The following STPG4 variants were observed in gnomAD, a reference collection of about 807,000 sequenced individuals.
STPG4 encodes protein STPG4.
A neutral mutation model predicts 31.5 loss-of-function variants in STPG4; 41 were observed. That is an observed-to-expected ratio of 1.30 (90% CI 1.01 to 1.69). STPG4 has a LOEUF of 1.69. Ranked by LOEUF, STPG4 falls within the 40% of genes most tolerant of loss-of-function variation. The pLI is 0.00. For synonymous variants in STPG4, 141 were observed against 103.0 expected, an observed-to-expected ratio of 1.37 and a Z score of -2.24; for missense variants, 375 against 293.4, an observed-to-expected ratio of 1.28 and a Z score of -2.03.
At chr2:47,124,792 G>C (rs1250364191) in intron 5 of STPG4, among the ~76,000 whole-genome samples, 2 of 152,136 alleles carry the variant, frequency 1.3e-5, no homozygotes, top group Non-Finnish European at 2.9e-5. Flanking sequence ...ACCCAGCAGT[G>C]AGATTGCTGG....
chr2:47,153,352 A>AAC (rs1686972578), intron 1 of STPG4, among the ~76,000 whole-genome samples: 2 of 152,230 alleles, frequency 1.3e-5, no homozygotes, highest in African/African-American at 4.8e-5. Flanking sequence ...CTTAGGCTGG[A>AAC]ACTCAGCTCT....
chr2:47,129,846 G>C, intron 5 of STPG4, 95 bp downstream of exon 5: 1 of 1,497,800 alleles, frequency 6.7e-7, no homozygotes, highest in Non-Finnish European at 9.1e-7. Flanking sequence ...ACGATCACTG[G>C]AGGGTTCTAT....
intron 5 of STPG4, among the ~76,000 whole-genome samples, chr2:47,113,449 C>A (rs947052766): frequency 1.3e-5 from 2 of 152,108 alleles, no homozygotes; most frequent in African/African-American, 2.4e-5. Context: ...CCACAAGTAA[C>A]TGGTTAATAA....
intron 5 of STPG4, among the ~76,000 whole-genome samples, chr2:47,101,360 C>T (rs1685795908): frequency 6.6e-6 from 1 of 151,700 alleles, no homozygotes; most frequent in Non-Finnish European, 1.5e-5. Context: ...GCTCCAGGGT[C>T]CCGACAACAA....
At chr2:47,090,134 T>C (rs1685539168) in intron 6 of STPG4, 136 bp downstream of exon 6, 2 of 609,838 alleles carry the variant, frequency 3.3e-6, no homozygotes, top group Admixed American at 3.0e-5. Context: ...CAACTGTATC[T>C]ACCAGAACTG....
At chr2:47,154,900 T>C (rs1014370349) in intron 1 of STPG4, among the ~76,000 whole-genome samples, 1 of 151,742 alleles carries the variant, frequency 6.6e-6, no homozygotes, top group Non-Finnish European at 1.5e-5. Flanking sequence ...GTTTAATTAG[T>C]AGTGGGAAGA....
chr2:47,100,522 G>C (rs539526840), intron 5 of STPG4, among the ~76,000 whole-genome samples: 68 of 149,238 alleles, frequency 4.6e-4, no homozygotes, highest in Middle Eastern at 6.8e-3. Flanking sequence ...ATGTGGGTGG[G>C]GCCAGATAAG....
chr2:47,147,917 T>G (rs888280956), intron 3 of STPG4, among the ~76,000 whole-genome samples: 4 of 151,812 alleles, frequency 2.6e-5, no homozygotes, highest in Non-Finnish European at 5.9e-5. Context: ...AGTATATGCA[T>G]GCACACACAC....
chr2:47,087,248 G>A (rs1685475313), intron 6 of STPG4, 118 bp from the exon 7 acceptor site: 2 of 1,154,068 alleles, frequency 1.7e-6, no homozygotes, highest in Non-Finnish European at 2.4e-6. Context: ...GAAGACCAGG[G>A]CCACACCAGC....
At chr2:47,151,933 T>G (rs1183549299) in intron 2 of STPG4, among the ~76,000 whole-genome samples, 26 of 145,036 alleles carry the variant, frequency 1.8e-4, no homozygotes, top group Admixed American at 4.2e-4. Flanking sequence ...TTTTTTTTTT[T>G]TTTGTATTTT....
intron 5 of STPG4, among the ~76,000 whole-genome samples, chr2:47,104,339 G>C (rs1685859136): frequency 6.6e-6 from 1 of 151,992 alleles, no homozygotes; most frequent in Non-Finnish European, 1.5e-5. Context: ...AAATGCAGCA[G>C]TCCCTGCAAC....
At chr2:47,110,585 C>T (rs945606359) in intron 5 of STPG4, among the ~76,000 whole-genome samples, 12 of 152,228 alleles carry the variant, frequency 7.9e-5, no homozygotes, top group African/African-American at 2.9e-4. Flanking sequence ...CACTGCAAGA[C>T]TCCATCACAA....
chr2:47,108,999 C>G (rs545909027), intron 5 of STPG4, among the ~76,000 whole-genome samples: 2 of 152,338 alleles, frequency 1.3e-5, no homozygotes, highest in East Asian at 3.9e-4. Context: ...GTTATAGGCA[C>G]CAGTACATTC....
intron 5 of STPG4, among the ~76,000 whole-genome samples, chr2:47,103,334 T>C (rs967687411): frequency 2.0e-5 from 3 of 151,874 alleles, no homozygotes; most frequent in African/African-American, 2.4e-5. Flanking sequence ...CGAGGGTCAA[T>C]TGATTCTAAA....
rs1347133934 is a variant in STPG4 at position 47,133,568 on chromosome 2, A to ATTTTT, written c.400-3309_400-3308insAAAAA. ...CAATCCATGCTGATTAGGCACTCAA[A>ATTTTT]TCTTTTTTTTTTTTTTTTTTTTTTT... is the stretch of plus-strand genomic sequence containing the variant. On this transcript the variant is annotated intron_variant, in intron 3 of 6. Transcript: ENST00000445927. 2.8e-3 allele frequency among the ~76,000 whole-genome samples: 100 copies of ATTTTT among 36,224 alleles called. 1 individual carries two copies. Among genetic ancestry groups the ATTTTT allele is most frequent in the Middle Eastern group, 0.023 (1 of 44 alleles). The allele number at this position is 36,224 out of a possible 152,430, so 23.8% of individuals were successfully genotyped here. A position where few individuals can be genotyped will look rare whatever the true frequency, so the allele number is the denominator to read the frequency against.
intron 5 of STPG4, among the ~76,000 whole-genome samples, chr2:47,122,696 T>C (rs1686295784): frequency 6.6e-6 from 1 of 152,160 alleles, no homozygotes; most frequent in Non-Finnish European, 1.5e-5. Flanking sequence ...ATTTTTTTTT[T>C]TGCAGATGTT....
At chr2:47,135,224 A>T (rs1323456145) in intron 3 of STPG4, among the ~76,000 whole-genome samples, 1 of 152,156 alleles carries the variant, frequency 6.6e-6, no homozygotes, top group African/African-American at 2.4e-5. Context: ...TATTTCTTTC[A>T]TGGATCATGC....
chr2:47,127,750 A>C (rs1457771714), intron 5 of STPG4, among the ~76,000 whole-genome samples: 2 of 151,896 alleles, frequency 1.3e-5, no homozygotes, highest in Non-Finnish European at 2.9e-5. Context: ...TGTCATCTTA[A>C]ATTTTGTTGC....
At chr2:47,098,782 AAGG>A (rs1202247250) in intron 5 of STPG4, among the ~76,000 whole-genome samples, 3 of 149,586 alleles carry the variant, frequency 2.0e-5, no homozygotes, top group Non-Finnish European at 4.4e-5. Context: ...GCCCCTCAGC[AAGG>A]AGGACAGAAT....
Sources: allele counts gnomAD v4.1 joint callset (sites outside exome capture counted in the v4.1 genomes callset), GRCh38; gene constraint gnomAD v4.1.1; transcripts MANE v1.5; gene names NCBI Gene and HGNC (gene_info 2026-07-23, HGNC 2026-07-21).